LETM1: variants seen among roughly 807,000 people sequenced by gnomAD.
LETM1 encodes leucine zipper and EF-hand containing transmembrane protein 1.
LETM1 carries 50 observed loss-of-function variants against 74.5 expected under a neutral mutation model. The ratio of observed to expected loss-of-function variants is 0.67; its 90% CI spans 0.53 to 0.85. The LOEUF (loss-of-function observed/expected upper bound fraction) is 0.85. Among genes scored for constraint, LETM1 ranks in the 40% least tolerant of loss-of-function variants. The pLI, the probability that LETM1 is intolerant of heterozygous loss-of-function variation, is 0.00. For synonymous variants in LETM1, 446 were observed against 407.1 expected (o/e 1.10, Z -1.15); for missense variants, 824 against 967.8 (o/e 0.85, Z 1.97).
chr4:1,834,559 T>C lies in LETM1; in HGVS notation c.876+286A>G. The C allele has an allele frequency of 8.3e-7, 1 of 1,203,534 alleles. No homozygotes were observed. Among genetic ancestry groups the C allele is most frequent in the South Asian group, 2.1e-5 (1 of 47,486 alleles). 74.6% of individuals were successfully genotyped at this position (1,203,534 alleles called of 1,614,324 possible). A position where few individuals can be genotyped will look rare whatever the true frequency, so the allele number is the denominator to read the frequency against. Reference sequence around the variant, plus strand: ...TCACACCATCAGGGTCTCAGGCTCCTCATGGGTCAGATTCTACTGCTCCTG... The same window carrying C: ...TCACACCATCAGGGTCTCAGGCTCCCCATGGGTCAGATTCTACTGCTCCTG... On this transcript the variant is annotated intron_variant, in intron 5 of 13. Coordinates refer to ENST00000302787, the MANE Select transcript of LETM1 (RefSeq NM_012318.3). This position sits in a 1 kb window ranked among gnomAD's most constrained non-coding sequence, Gnocchi z 5.0.
intron 4 of LETM1, 49 bp from the exon 5 acceptor site, chr4:1,835,031 C>T (rs755432653): frequency 7.5e-6 from 12 of 1,589,688 alleles, no homozygotes; most frequent in Middle Eastern, 1.7e-4. Context: ...GACTGTGGTT[C>T]GGGCAAGGAA....
intron 10 of LETM1, among the ~76,000 whole-genome samples, chr4:1,821,242 GCCA>G (rs1321209806): frequency 2.0e-5 from 3 of 151,382 alleles, no homozygotes; most frequent in Non-Finnish European, 4.4e-5. Flanking sequence ...ACAGGTGCAT[GCCA>G]CCATGTCTGG....
At chr4:1,819,690 T>C (rs568893952) in intron 10 of LETM1, among the ~76,000 whole-genome samples, 1 of 152,162 alleles carries the variant, frequency 6.6e-6, no homozygotes, top group Non-Finnish European at 1.5e-5. Context: ...ACCCCATTTG[T>C]TTAAAGCGCG....
At chr4:1,823,545 T>G in intron 8 of LETM1, 99 bp downstream of exon 8, 2 of 1,484,180 alleles carry the variant, frequency 1.3e-6, no homozygotes, top group Non-Finnish European at 1.9e-6. Flanking sequence ...TCCTCGCCCA[T>G]GGTTGAGGAA....
At chr4:1,854,073 A>T (rs1577330437) in intron 1 of LETM1, among the ~76,000 whole-genome samples, 1 of 152,196 alleles carries the variant, frequency 6.6e-6, no homozygotes, top group East Asian at 1.9e-4. Flanking sequence ...AACATCTAAC[A>T]CAGCAACTGG....
rs889905202 is a variant in LETM1 at position 1,836,921 on chromosome 4, C to T, written c.595-349G>A. Among the ~76,000 whole-genome samples, 4 of 152,108 alleles carry T rather than the reference C, an allele frequency of 2.6e-5. No individual in the cohort carries two copies. Among genetic ancestry groups the T allele is most frequent in the African/African-American group, 7.2e-5 (3 of 41,412 alleles). ...CAGGCTGAGGACTGGGCATTACTAG[C>T]GTGGTGGAGAGTCACCAGGATAGGC... On this transcript the variant is annotated intron_variant, in intron 3 of 13. Coordinates refer to ENST00000302787, the MANE Select transcript of LETM1 (RefSeq NM_012318.3). The surrounding 1 kb of genome is among the most constrained non-coding windows in gnomAD (Gnocchi z 5.8).
intron 6 of LETM1, among the ~76,000 whole-genome samples, chr4:1,831,924 A>C (rs1712285288): frequency 6.6e-6 from 1 of 152,264 alleles, no homozygotes; most frequent in African/African-American, 2.4e-5. Context: ...AATGTGAACT[A>C]GAGTTAGTGC....
At chr4:1,843,111 A>G (rs574745593) in intron 2 of LETM1, 12 of 242,180 alleles carry the variant, frequency 5.0e-5, no homozygotes, top group South Asian at 4.9e-4. Context: ...TCCGGAGCAG[A>G]CTGTTAGAGC....
At chr4:1,847,179 A>G (rs1365550636) in intron 2 of LETM1, among the ~76,000 whole-genome samples, 2 of 152,022 alleles carry the variant, frequency 1.3e-5, no homozygotes, top group African/African-American at 2.4e-5. Context: ...AAAAAATACC[A>G]AAAAGAAAAA....
chr4:1,816,125 C>T (rs975012462), intron 12 of LETM1, among the ~76,000 whole-genome samples: 1 of 152,254 alleles, frequency 6.6e-6, no homozygotes, highest in Non-Finnish European at 1.5e-5. Flanking sequence ...AATACGTTCA[C>T]GATCATGGGG....
intron 1 of LETM1, 102 bp downstream of exon 1, chr4:1,855,767 G>T: frequency 1.4e-6 from 1 of 692,274 alleles, no homozygotes; most frequent in Non-Finnish European, 2.0e-6. Flanking sequence ...GGACCACCGG[G>T]CTCCCCGCAT....
intron 6 of LETM1, among the ~76,000 whole-genome samples, chr4:1,831,114 C>A (rs531776975): frequency 6.6e-6 from 1 of 152,106 alleles, no homozygotes; most frequent in East Asian, 1.9e-4. Context: ...CAGCCATCGT[C>A]CCCCCCAGCT....
In LETM1 at chr4:1,855,921, G is replaced by A; in HGVS notation, c.30C>T (p.Arg10=). 1 of 1,237,058 alleles carries A rather than the reference G, an allele frequency of 8.1e-7. No individual in the cohort carries two copies. Among genetic ancestry groups the A allele is most frequent in the Non-Finnish European group, 1.0e-6 (1 of 992,956 alleles). The allele number at this position is 1,237,058 out of a possible 1,614,324, so 76.6% of individuals were successfully genotyped here. A position where few individuals can be genotyped will look rare whatever the true frequency, so the allele number is the denominator to read the frequency against. ...GCGGGAGGCGGGCGGGCGCCCGGCCGCGGCAGCTCCTCAGTAAGATGGACG... is the reference window on the plus strand; with the variant it reads ...GCGGGAGGCGGGCGGGCGCCCGGCCACGGCAGCTCCTCAGTAAGATGGACG... The part of the protein sequence containing the change: MASILLRSC[R]GRAPARLPPP... The change falls in exon 1 of 14, where the codon CGC becomes CGT. Residue 10 remains arginine, a synonymous_variant. Coordinates refer to ENST00000302787, the MANE Select transcript of LETM1 (RefSeq NM_012318.3).
chr4:1,833,249 T>G, intron 5 of LETM1: 1 of 375,008 alleles, frequency 2.7e-6, no homozygotes, highest in Non-Finnish European at 5.1e-6. Flanking sequence ...TTTTGTATTT[T>G]AGTAGAGATG....
chr4:1,832,951 CG>C lies in LETM1; in HGVS notation c.877-5del, dbSNP rs1712330265. ...GCCTCTCCCCTGTTTCCCGGATCTG[CG>C]GAAGTGGTCACAAGGGTCATCCCCG... On this transcript the variant is annotated splice_polypyrimidine_tract_variant and splice_region_variant and intron_variant, in intron 5 of 13. Coordinates refer to ENST00000302787, the MANE Select transcript of LETM1 (RefSeq NM_012318.3). The C allele has an allele frequency of 3.7e-6, 6 of 1,612,028 alleles. No homozygotes were observed. Among genetic ancestry groups the C allele is most frequent in the Non-Finnish European group, 4.2e-6 (5 of 1,179,862 alleles).
At chr4:1,832,602 C>A in intron 6 of LETM1, 142 bp downstream of exon 6, 1 of 707,840 alleles carries the variant, frequency 1.4e-6, no homozygotes. Context: ...CTGCAATCTG[C>A]AAGTGGCAAG....
intron 6 of LETM1, among the ~76,000 whole-genome samples, chr4:1,827,274 C>CTTTTTTTTTTTTTTTTT (rs759264558): frequency 2.9e-5 from 3 of 103,734 alleles, no homozygotes; most frequent in Non-Finnish European, 4.1e-5. Flanking sequence ...ATTGACAGTT[C>CTTTTTTTTTTTTTTTTT]TTTTTTTTTT....
chr4:1,820,279 C>A (rs1194560893), intron 10 of LETM1, among the ~76,000 whole-genome samples: 3 of 152,112 alleles, frequency 2.0e-5, no homozygotes, highest in Non-Finnish European at 2.9e-5. Flanking sequence ...TTACAGTACT[C>A]CGTGGACAGC....
intron 10 of LETM1, 127 bp from the exon 11 acceptor site, chr4:1,819,599 T>G: frequency 1.8e-6 from 2 of 1,103,250 alleles, no homozygotes; most frequent in Non-Finnish European, 2.5e-6. Context: ...GGACAGTCAT[T>G]GGTAACAAGA....
Sources: gnomAD v4.1 joint callset for allele counts (sites outside exome capture counted in the v4.1 genomes callset) on GRCh38, gnomAD v4.1.1 for gene constraint, Gnocchi (gnomAD v3.1) non-coding constraint, MANE v1.5 for transcripts, NCBI Gene and HGNC (gene_info 2026-07-23, HGNC 2026-07-21) for gene names.